CA10: variants seen among roughly 807,000 people sequenced by gnomAD.
CA10 encodes carbonic anhydrase-related protein 10.
CA10 carries 14 observed loss-of-function variants against 44.2 expected under a neutral mutation model. That is an observed-to-expected ratio of 0.32 (90% CI 0.21 to 0.50). CA10 has a LOEUF of 0.50. Ranked by LOEUF, CA10 falls within the 20% of genes least tolerant of loss-of-function variation. The probability of loss-of-function intolerance (pLI) is 0.99; values close to 1 mark genes in which losing one functional copy is unlikely to be tolerated. For synonymous variants in CA10, 159 were observed against 141.6 expected (o/e 1.12, Z -0.87); for missense variants, 350 against 409.7 (o/e 0.85, Z 1.26).
At chr17:51,870,162 T>C (rs536635651) in intron 3 of CA10, among the ~76,000 whole-genome samples, 5 of 152,374 alleles carry the variant, frequency 3.3e-5, no homozygotes, top group South Asian at 2.1e-4. Context: ...AAGAATCACA[T>C]TGAATCAAAG....
At chr17:52,082,406 A>C (rs116804407) in intron 1 of CA10, among the ~76,000 whole-genome samples, 215 of 152,306 alleles carry the variant, frequency 1.4e-3, no homozygotes, top group African/African-American at 4.9e-3. Flanking sequence ...TTCTTTCACC[A>C]AACATTACGT....
chr17:52,037,741 C>A (rs1244497290), intron 2 of CA10, among the ~76,000 whole-genome samples: 1 of 152,144 alleles, frequency 6.6e-6, no homozygotes. Flanking sequence ...TATGCAGAGT[C>A]TGTATTTTCC....
At chr17:51,735,914 T>C (rs1247696093) in intron 4 of CA10, among the ~76,000 whole-genome samples, 1 of 89,302 alleles carries the variant, frequency 1.1e-5, no homozygotes, top group Non-Finnish European at 2.6e-5. Context: ...AATCAGTGAT[T>C]GCCGGGGCTA....
intron 2 of CA10, among the ~76,000 whole-genome samples, chr17:52,043,141 A>G (rs1017483156): frequency 6.6e-6 from 1 of 152,042 alleles, no homozygotes; most frequent in East Asian, 1.9e-4. Context: ...AATCCACTGG[A>G]ATTGTGTTGA....
intron 4 of CA10, among the ~76,000 whole-genome samples, chr17:51,699,885 A>G (rs976012457): frequency 2.0e-5 from 3 of 152,186 alleles, no homozygotes; most frequent in Non-Finnish European, 4.4e-5. Flanking sequence ...GGTGACTGCT[A>G]TTAGTATTAA....
intron 4 of CA10, among the ~76,000 whole-genome samples, chr17:51,731,423 A>G (rs1345922108): frequency 1.3e-5 from 2 of 152,188 alleles, no homozygotes; most frequent in Non-Finnish European, 2.9e-5. Flanking sequence ...GTAATCTGGA[A>G]CAATATAAAC....
In CA10 at chr17:52,079,779, T is replaced by G. The variant is rs987374727; in HGVS notation, c.62-7386A>C. On this transcript the variant is annotated intron_variant, in intron 1 of 8. Coordinates refer to ENST00000451037, the MANE Select transcript of CA10 (RefSeq NM_020178.5). ...AAAGCCTTAGCAAACCCACTTTTAT[T>G]TAGCACAATGTGTTTCATTTAAAAG... is the stretch of plus-strand genomic sequence containing the variant. Among the ~76,000 whole-genome samples, 8 of 152,192 alleles carry G rather than the reference T, an allele frequency of 5.3e-5. No homozygotes were observed. The East Asian group carries it at 1.5e-3, about 29-fold the overall frequency.
chr17:51,874,564 T>C (rs1171784483), intron 3 of CA10, among the ~76,000 whole-genome samples: 12 of 152,156 alleles, frequency 7.9e-5, no homozygotes, highest in Non-Finnish European at 1.6e-4. Flanking sequence ...AGGAAAGGCA[T>C]ATGAGAGAGC....
chr17:51,966,328 T>C (rs1404433707), intron 2 of CA10, among the ~76,000 whole-genome samples: 1 of 151,898 alleles, frequency 6.6e-6, no homozygotes, highest in African/African-American at 2.4e-5. Context: ...ATACTACCAA[T>C]GTTATTTTTC....
At position 51,721,306 on chromosome 17, in the gene CA10, T is replaced by TG. The variant is rs558791535; in HGVS notation, c.465+26326dup. ...GAGATCATGCCATTGCACTGCAGCCTGGGGGCCAGAGTGAGACTTCATCTC... is the reference window on the plus strand; with the variant it reads ...GAGATCATGCCATTGCACTGCAGCCTGGGGGGCCAGAGTGAGACTTCATCTC... On this transcript the variant is annotated intron_variant, in intron 4 of 8. Coordinates refer to ENST00000451037, the MANE Select transcript of CA10 (RefSeq NM_020178.5). 3.3e-5 allele frequency among the ~76,000 whole-genome samples: 5 copies of TG among 152,302 alleles called. No homozygotes were observed. The South Asian group carries it at 1.0e-3, about 32-fold the overall frequency.
At chr17:51,894,803 A>G (rs1981001279) in intron 3 of CA10, among the ~76,000 whole-genome samples, 1 of 152,128 alleles carries the variant, frequency 6.6e-6, no homozygotes, top group South Asian at 2.1e-4. Context: ...TGGAGAACAG[A>G]CTCAATAGAC....
intron 3 of CA10, among the ~76,000 whole-genome samples, chr17:51,881,832 C>T (rs1188657002): frequency 6.6e-6 from 1 of 152,104 alleles, no homozygotes; most frequent in Admixed American, 6.5e-5. Flanking sequence ...GACAGGAGAA[C>T]AGCTTTGGAG....
chr17:51,741,006 TC>T (rs968541532), intron 4 of CA10, among the ~76,000 whole-genome samples: 1 of 152,132 alleles, frequency 6.6e-6, no homozygotes, highest in African/African-American at 2.4e-5. Flanking sequence ...ATTATCTGTC[TC>T]CCCCCGCTAG....
intron 3 of CA10, among the ~76,000 whole-genome samples, chr17:51,794,466 T>G (rs1462980650): frequency 1.3e-5 from 2 of 152,212 alleles, no homozygotes; most frequent in Non-Finnish European, 2.9e-5. Context: ...TATATTGTAT[T>G]AATTTTAATT....
At chr17:51,971,825 C>T (rs925612153) in intron 2 of CA10, among the ~76,000 whole-genome samples, 4 of 151,740 alleles carry the variant, frequency 2.6e-5, no homozygotes, top group East Asian at 1.9e-4. Flanking sequence ...GCTAGTATAA[C>T]GTATATTTAA....
intron 3 of CA10, among the ~76,000 whole-genome samples, chr17:51,870,797 T>C (rs149725528): frequency 1.3e-3 from 197 of 152,280 alleles, no homozygotes; most frequent in African/African-American, 4.4e-3. Flanking sequence ...GTGGGGAACA[T>C]GTGTATCCCT....
intron 3 of CA10, among the ~76,000 whole-genome samples, chr17:51,928,146 G>A: frequency 6.6e-6 from 1 of 152,078 alleles, no homozygotes; most frequent in East Asian, 1.9e-4. Flanking sequence ...TGGGATCCAA[G>A]TCGAAACAAA....
intron 1 of CA10, among the ~76,000 whole-genome samples, chr17:52,155,990 C>G (rs1306575685): frequency 6.6e-6 from 1 of 152,076 alleles, no homozygotes; most frequent in Non-Finnish European, 1.5e-5. Flanking sequence ...GCCTGTTCCC[C>G]TCGGTGATTG....
chr17:52,113,673 A>G (rs1988833169), intron 1 of CA10, among the ~76,000 whole-genome samples: 1 of 152,254 alleles, frequency 6.6e-6, no homozygotes, highest in Admixed American at 6.5e-5. Flanking sequence ...CACATGATGT[A>G]AATTTGTTAA....
Sources: allele counts gnomAD v4.1 joint callset (sites outside exome capture counted in the v4.1 genomes callset), GRCh38; gene constraint gnomAD v4.1.1; transcripts MANE v1.5; gene names NCBI Gene and HGNC (gene_info 2026-07-23, HGNC 2026-07-21).